OR2G3: variants seen among roughly 807,000 people sequenced by gnomAD.
OR2G3 encodes the protein olfactory receptor family 2 subfamily G member 3, also known as olfactory receptor 2G3.
For synonymous variants in OR2G3, 154 were observed against 144.5 expected (o/e 1.07, Z -0.47); for missense variants, 375 against 364.4 (o/e 1.03, Z -0.24).
At position 247,606,369 on chromosome 1, in the gene OR2G3, C is replaced by G. The variant is rs1250238886; in HGVS notation, c.784C>G (p.Pro262Ala). 2 of 1,614,130 alleles carry G rather than the reference C, an allele frequency of 1.2e-6. No homozygotes were observed. The highest frequency in any genetic ancestry group is 3.3e-5 in the Admixed American group (2 of 60,012). ...CACCATAATCTACGTGTACCTGCAA[C>G]CTAGTGACAGCTATGCCCAGGACCA... ...YGTIIYVYLQ[P>A]SDSYAQDQGK... Residue 262 changes from proline (P) to alanine (A), a missense_variant, in exon 1 of 1, where the codon CCT (proline) becomes GCT (alanine). Transcript: ENST00000320002.
At position 247,605,868 on chromosome 1, in the gene OR2G3, G is replaced by A. The variant is rs1428801255; in HGVS notation, c.283G>A (p.Gly95Ser). The A allele has an allele frequency of 3.7e-6, 6 of 1,614,032 alleles. No individual in the cohort carries two copies. Among genetic ancestry groups the A allele is most frequent in the Non-Finnish European group, 2.5e-6 (3 of 1,180,036 alleles). ...AAGACCAAAGAAGACGATCACTTAC[G>A]GTGGTTGTGTGGCGCAACTCTATAT... ...LQRPKKTITY[G>S]GCVAQLYISL... Residue 95 changes from glycine to serine, a missense_variant, in exon 1 of 1, where the codon GGT (glycine) becomes AGT (serine). Transcript: ENST00000320002.
chr1:247,606,066 A>G lies in OR2G3; in HGVS notation c.481A>G (p.Thr161Ala), dbSNP rs918055786. ...TTTGGCTAGTTCCCTAATCCATGCA[A>G]CTTTTACCTTGCAATTGCCTCTCTG... is the stretch of plus-strand genomic sequence containing the variant. ...SGLASSLIHA[T>A]FTLQLPLCGN... Residue 161 changes from threonine (T) to alanine (A), a missense_variant, in exon 1 of 1, where the codon ACT becomes GCT. Thr to Ala is a moderately conservative substitution (Grantham distance 58, BLOSUM62 0). Coordinates refer to ENST00000320002, the MANE Select transcript of OR2G3 (RefSeq NM_001001914.1). 1.2e-6 allele frequency: 2 copies of G among 1,613,928 alleles called. No homozygotes were observed. Among genetic ancestry groups the G allele is most frequent in the African/African-American group, 2.7e-5 (2 of 74,880 alleles).
rs753400722 is a variant in OR2G3, at chr1:247,606,000, C to T, written c.415C>T (p.Arg139Trp). 1.2e-5 allele frequency: 19 copies of T among 1,614,078 alleles called. No individual in the cohort carries two copies. Among genetic ancestry groups the T allele is most frequent in the East Asian group, 8.9e-5 (4 of 44,894 alleles). ...CCACTATGTAGTCATCATGAACCCACGGCTTTGCCAACAGCTGGCATCTAT... is the reference window on the plus strand; with the variant it reads ...CCACTATGTAGTCATCATGAACCCATGGCTTTGCCAACAGCTGGCATCTAT... ...PLHYVVIMNP[R>W]LCQQLASISW... Residue 139 changes from arginine to tryptophan, a missense_variant, in exon 1 of 1, where the codon CGG becomes TGG. By Grantham distance (101) the Arg-to-Trp change is moderately radical (BLOSUM62 -3). Transcript: ENST00000320002.
rs1258852319 is a variant in OR2G3 at position 247,606,364 on chromosome 1, T to C, written c.779T>C (p.Leu260Pro). The C allele has an allele frequency of 6.2e-7, 1 of 1,614,182 alleles. No homozygotes were observed. Among genetic ancestry groups the C allele is most frequent in the East Asian group, 2.2e-5 (1 of 44,876 alleles). The part of the protein sequence containing the change: ...IFYGTIIYVY[L>P]QPSDSYAQDQ... ...TATGGCACCATAATCTACGTGTACC[T>C]GCAACCTAGTGACAGCTATGCCCAG... The change falls in exon 1 of 1, where the codon CTG becomes CCG. Residue 260 changes from leucine (L) to proline (P), a missense_variant. Transcript: ENST00000320002.
rs200441309 is a variant in OR2G3 at position 247,605,908 on chromosome 1, G to C, written c.323G>C (p.Gly108Ala). Residue 108 changes from glycine (G) to alanine (A), a missense_variant, in exon 1 of 1, where the codon GGC (glycine) becomes GCC (alanine). Coordinates refer to ENST00000320002, the MANE Select transcript of OR2G3 (RefSeq NM_001001914.1). Reference sequence around the variant, plus strand: ...CAACTCTATATTTCTCTGGCACTGGGCTCCACTGAATGTATCCTCTTGGCT... The same window carrying C: ...CAACTCTATATTTCTCTGGCACTGGCCTCCACTGAATGTATCCTCTTGGCT... ...VAQLYISLALGSTECILLADM... is the reference protein window; with the variant it reads ...VAQLYISLALASTECILLADM... 6.2e-7 allele frequency: 1 copy of C among 1,614,110 alleles called. No homozygotes were observed. The highest frequency in any genetic ancestry group is 1.7e-5 in the Admixed American group (1 of 60,004).
Position 247,606,377 on chromosome 1 carries a change from C to A in OR2G3, c.792C>A (p.Asp264Glu). ...TIIYVYLQPSDSYAQDQGKFI... is the reference protein window; with the variant it reads ...TIIYVYLQPSESYAQDQGKFI... ...TCTACGTGTACCTGCAACCTAGTGA[C>A]AGCTATGCCCAGGACCAAGGGAAGT... The change falls in exon 1 of 1, where the codon GAC (aspartate) becomes GAA (glutamate). Residue 264 changes from aspartate (D) to glutamate (E), a missense_variant. Physicochemically the swap from Asp to Glu is conservative, Grantham distance 45 (BLOSUM62 2). Coordinates refer to ENST00000320002, the MANE Select transcript of OR2G3 (RefSeq NM_001001914.1). 6.2e-7 allele frequency: 1 copy of A among 1,614,102 alleles called. No individual in the cohort carries two copies. Among genetic ancestry groups the A allele is most frequent in the East Asian group, 2.2e-5 (1 of 44,872 alleles).
Position 247,605,914 on chromosome 1 carries a change from C to A in OR2G3, c.329C>A (p.Thr110Asn). 1 of 1,614,156 alleles carries A rather than the reference C, an allele frequency of 6.2e-7. No individual in the cohort carries two copies. Among genetic ancestry groups the A allele is most frequent in the Non-Finnish European group, 8.5e-7 (1 of 1,180,018 alleles). Reference protein sequence around the residue: ...QLYISLALGSTECILLADMAL... With the variant: ...QLYISLALGSNECILLADMAL... ...TATATTTCTCTGGCACTGGGCTCCA[C>A]TGAATGTATCCTCTTGGCTGACATG... The change falls in exon 1 of 1, where the codon ACT (threonine) becomes AAT (asparagine). Residue 110 changes from threonine (T) to asparagine (N), a missense_variant. By Grantham distance (65) the Thr-to-Asn change is moderately conservative (BLOSUM62 0). Coordinates refer to ENST00000320002, the MANE Select transcript of OR2G3 (RefSeq NM_001001914.1).
chr1:247,605,873 T>C lies in OR2G3; in HGVS notation c.288T>C (p.Gly96=), dbSNP rs1558275119. ...QRPKKTITYG[G]CVAQLYISLA... ...CAAAGAAGACGATCACTTACGGTGG[T>C]TGTGTGGCGCAACTCTATATTTCTC... Residue 96 remains glycine, a synonymous_variant, in exon 1 of 1, where the codon GGT becomes GGC. Coordinates refer to ENST00000320002, the MANE Select transcript of OR2G3 (RefSeq NM_001001914.1). The C allele has an allele frequency of 6.2e-7, 1 of 1,614,156 alleles. No homozygotes were observed. Among genetic ancestry groups the C allele is most frequent in the Admixed American group, 1.7e-5 (1 of 60,014 alleles).
chr1:247,606,403 T>C lies in OR2G3; in HGVS notation c.818T>C (p.Phe273Ser). The change falls in exon 1 of 1, where the codon TTT becomes TCT. Residue 273 changes from phenylalanine (F) to serine (S), a missense_variant. Physicochemically the swap from Phe to Ser is radical, Grantham distance 155 (BLOSUM62 -2). Transcript: ENST00000320002. ...SDSYAQDQGK[F>S]ISLFYTMVTP... ...AGCTATGCCCAGGACCAAGGGAAGTTTATCTCCCTCTTCTACACCATGGTG... is the reference window on the plus strand; with the variant it reads ...AGCTATGCCCAGGACCAAGGGAAGTCTATCTCCCTCTTCTACACCATGGTG... 6.2e-7 allele frequency: 1 copy of C among 1,613,594 alleles called. No individual in the cohort carries two copies. Among genetic ancestry groups the C allele is most frequent in the Non-Finnish European group, 8.5e-7 (1 of 1,179,582 alleles).
Position 247,606,358 on chromosome 1 carries a change from T to G in OR2G3, c.773T>G (p.Val258Gly), listed in dbSNP as rs1215260233. 1 of 1,614,094 alleles carries G rather than the reference T, an allele frequency of 6.2e-7. No homozygotes were observed. Among genetic ancestry groups the G allele is most frequent in the Non-Finnish European group, 8.5e-7 (1 of 1,180,050 alleles). Reference protein sequence around the residue: ...VIIFYGTIIYVYLQPSDSYAQ... With the variant: ...VIIFYGTIIYGYLQPSDSYAQ... Reference sequence around the variant, plus strand: ...ATATTCTATGGCACCATAATCTACGTGTACCTGCAACCTAGTGACAGCTAT... The same window carrying G: ...ATATTCTATGGCACCATAATCTACGGGTACCTGCAACCTAGTGACAGCTAT... The change falls in exon 1 of 1, where the codon GTG becomes GGG. Residue 258 changes from valine to glycine, a missense_variant. Coordinates refer to ENST00000320002, the MANE Select transcript of OR2G3 (RefSeq NM_001001914.1).
Position 247,606,268 on chromosome 1 carries a change from T to C in OR2G3, c.683T>C (p.Ile228Thr). Residue 228 changes from isoleucine to threonine, a missense_variant, in exon 1 of 1, where the codon ATC becomes ACC. Transcript: ENST00000320002. The part of the protein sequence containing the change: ...YGFITQAVLR[I>T]KSVEARHKAF... ...TTCATAACTCAAGCTGTGCTGAGGA[T>C]CAAATCAGTAGAGGCAAGGCACAAA... 2 of 1,614,166 alleles carry C rather than the reference T, an allele frequency of 1.2e-6. No individual in the cohort carries two copies. Among genetic ancestry groups the C allele is most frequent in the Non-Finnish European group, 1.7e-6 (2 of 1,180,030 alleles).
Position 247,606,461 on chromosome 1 carries a change from A to C in OR2G3, c.876A>C (p.Leu292Phe), listed in dbSNP as rs965927825. 2.9e-5 allele frequency: 47 copies of C among 1,612,658 alleles called. 2 individuals are homozygous for C. The Admixed American group carries it at 7.3e-4, about 25-fold the overall frequency. The change falls in exon 1 of 1, where the codon TTA (leucine) becomes TTC (phenylalanine). Residue 292 changes from leucine to phenylalanine, a missense_variant. By Grantham distance (22) the Leu-to-Phe change is conservative. Coordinates refer to ENST00000320002, the MANE Select transcript of OR2G3 (RefSeq NM_001001914.1). Reference sequence around the variant, plus strand: ...CTTTAAATCCTATCATCTATACTTTAAGGAACAAGGATATGAAAGAGGCTC... The same window carrying C: ...CTTTAAATCCTATCATCTATACTTTCAGGAACAAGGATATGAAAGAGGCTC... ...TPTLNPIIYT[L>F]RNKDMKEALR...
rs1669389476 is a variant in OR2G3, at chr1:247,606,175, T to G, written c.590T>G (p.Leu197Trp). The change falls in exon 1 of 1, where the codon TTG becomes TGG. Residue 197 changes from leucine to tryptophan, a missense_variant. Coordinates refer to ENST00000320002, the MANE Select transcript of OR2G3 (RefSeq NM_001001914.1). ...LACVDTTVNE[L>W]VLFVVSVLFV... ...TGTGTGGACACCACTGTCAATGAAT[T>G]GGTGCTTTTTGTTGTTAGTGTTCTG... 1 of 1,614,234 alleles carries G rather than the reference T, an allele frequency of 6.2e-7. No homozygotes were observed. The highest frequency in any genetic ancestry group is 8.5e-7 in the Non-Finnish European group (1 of 1,180,040).
chr1:247,605,970 C>A lies in OR2G3; in HGVS notation c.385C>A (p.Pro129Thr), dbSNP rs1292231774. The A allele has an allele frequency of 1.9e-6, 3 of 1,614,146 alleles. No homozygotes were observed. The highest frequency in any genetic ancestry group is 2.5e-6 in the Non-Finnish European group (3 of 1,180,028). ...ALDRYIAVCK[P>T]LHYVVIMNPR... ...GGATCGGTACATTGCTGTCTGCAAA[C>A]CCCTCCACTATGTAGTCATCATGAA... Residue 129 changes from proline (P) to threonine (T), a missense_variant, in exon 1 of 1, where the codon CCC becomes ACC. Pro to Thr is a conservative substitution (Grantham distance 38). Transcript: ENST00000320002.
Position 247,606,495 on chromosome 1 carries a change from C to A in OR2G3, c.910C>A (p.Leu304Ile). The A allele has an allele frequency of 6.2e-7, 1 of 1,600,930 alleles. No individual in the cohort carries two copies. The highest frequency in any genetic ancestry group is 8.5e-7 in the Non-Finnish European group (1 of 1,174,264). Residue 304 changes from leucine to isoleucine, a missense_variant, in exon 1 of 1, where the codon CTT becomes ATT. By Grantham distance (5) the Leu-to-Ile change is conservative (BLOSUM62 2). Transcript: ENST00000320002. Reference sequence around the variant, plus strand: ...GGATATGAAAGAGGCTCTGAGGAAACTTCTCTCGGGAAAATTGTGATTCCT... The same window carrying A: ...GGATATGAAAGAGGCTCTGAGGAAAATTCTCTCGGGAAAATTGTGATTCCT... ...NKDMKEALRK[L>I]LSGKL is the part of the protein sequence containing the mutation.
At position 247,606,022 on chromosome 1, in the gene OR2G3, C is replaced by T; in HGVS notation, c.437C>T (p.Ser146Phe). The T allele has an allele frequency of 1.2e-6, 2 of 1,614,186 alleles. No individual in the cohort carries two copies. The highest frequency in any genetic ancestry group is 1.7e-6 in the Non-Finnish European group (2 of 1,180,034). ...CCACGGCTTTGCCAACAGCTGGCATCTATCTCCTGGCTCAGTGGTTTGGCT... is the reference window on the plus strand; with the variant it reads ...CCACGGCTTTGCCAACAGCTGGCATTTATCTCCTGGCTCAGTGGTTTGGCT... ...MNPRLCQQLA[S>F]ISWLSGLASS... Residue 146 changes from serine (S) to phenylalanine (F), a missense_variant, in exon 1 of 1, where the codon TCT becomes TTT. Coordinates refer to ENST00000320002, the MANE Select transcript of OR2G3 (RefSeq NM_001001914.1).
chr1:247,605,760 A>G lies in OR2G3; in HGVS notation c.175A>G (p.Met59Val), dbSNP rs61748963. 178,355 of 1,613,494 alleles carry G rather than the reference A, an allele frequency of 0.11. 10,847 individuals carry two copies. The highest frequency in any genetic ancestry group is 0.16 in the Middle Eastern group (953 of 6,058). ...SYLDPPLHTPMYFFLSNLSLL... is the reference protein window; with the variant it reads ...SYLDPPLHTPVYFFLSNLSLL... Reference sequence around the variant, plus strand: ...TCTGGATCCCCCTCTTCATACCCCAATGTACTTTTTTCTCAGCAACCTCTC... The same window carrying G: ...TCTGGATCCCCCTCTTCATACCCCAGTGTACTTTTTTCTCAGCAACCTCTC... Residue 59 changes from methionine to valine, a missense_variant, in exon 1 of 1, where the codon ATG (methionine) becomes GTG (valine). Transcript: ENST00000320002.
Position 247,605,672 on chromosome 1 carries a change from A to G in OR2G3, c.87A>G (p.Val29=). ...DHPRLEAVLF[V]FVLFFYLLTL... is the part of the protein sequence containing the mutation. The stretch of plus-strand genomic sequence containing the variant: ...CTCGTCTGGAGGCTGTTCTCTTTGT[A>G]TTTGTCCTTTTCTTCTACCTCCTGA... The change falls in exon 1 of 1, where the codon GTA becomes GTG. Residue 29 remains valine, a synonymous_variant. Coordinates refer to ENST00000320002, the MANE Select transcript of OR2G3 (RefSeq NM_001001914.1). 1.2e-6 allele frequency: 2 copies of G among 1,613,498 alleles called. No individual in the cohort carries two copies. The highest frequency in any genetic ancestry group is 1.7e-6 in the Non-Finnish European group (2 of 1,179,656).
Position 247,606,490 on chromosome 1 carries a change from G to A in OR2G3, c.905G>A (p.Arg302Lys). 2 of 1,603,488 alleles carry A rather than the reference G, an allele frequency of 1.2e-6. No homozygotes were observed. Among genetic ancestry groups the A allele is most frequent in the South Asian group, 2.2e-5 (2 of 89,536 alleles). ...LRNKDMKEAL[R>K]KLLSGKL ...AACAAGGATATGAAAGAGGCTCTGA[G>A]GAAACTTCTCTCGGGAAAATTGTGA... The change falls in exon 1 of 1, where the codon AGG becomes AAG. Residue 302 changes from arginine to lysine, a missense_variant. Transcript: ENST00000320002.
Sources: allele counts gnomAD v4.1 joint callset, GRCh38; gene constraint gnomAD v4.1.1; transcripts MANE v1.5; gene names NCBI Gene and HGNC (gene_info 2026-07-23, HGNC 2026-07-21).